TBC1D1: variants seen among roughly 807,000 people sequenced by gnomAD.
The protein encoded by TBC1D1 is TBC1 (tre-2/USP6, BUB2, cdc16) domain family, member 1.
A neutral mutation model predicts 125.6 loss-of-function variants in TBC1D1; 89 were observed. The ratio of observed to expected loss-of-function variants is 0.71; its 90% CI spans 0.60 to 0.85. The LOEUF (loss-of-function observed/expected upper bound fraction) is 0.85. Ranked by LOEUF, TBC1D1 falls within the 40% of genes least tolerant of loss-of-function variation. TBC1D1 has a pLI of 0.00. For synonymous variants in TBC1D1, 565 were observed against 564.1 expected (o/e 1.00, Z -0.02); for missense variants, 1,377 against 1,469.2 (o/e 0.94, Z 1.03).
At chr4:38,024,906 A>T (rs1375877957) in intron 6 of TBC1D1, among the ~76,000 whole-genome samples, 1 of 152,198 alleles carries the variant, frequency 6.6e-6, no homozygotes, top group Non-Finnish European at 1.5e-5. Context: ...TAGTTAAGTC[A>T]TCCCCCAGAA....
chr4:38,014,647 A>G lies in TBC1D1; in HGVS notation c.556A>G (p.Lys186Glu). ...CTGCGGCCGCGTGACGGTGGCGCAC[A>G]AGAAGGCTCCGCCGGCCCTGATCGA... is the stretch of plus-strand genomic sequence containing the variant. The change falls in exon 3 of 20, where the codon AAG (lysine) becomes GAG (glutamate). Residue 186 changes from lysine to glutamate, a missense_variant. By Grantham distance (56) the Lys-to-Glu change is moderately conservative. Around this residue, in one of 3 missense-constraint regions of TBC1D1, gnomAD observed 822 missense variants for 824.6 expected, o/e 1.00. Coordinates refer to ENST00000261439, the MANE Select transcript of TBC1D1 (RefSeq NM_015173.4). The surrounding 1 kb of genome is among the most constrained non-coding windows in gnomAD (Gnocchi z 5.1). 1 of 1,613,316 alleles carries G rather than the reference A, an allele frequency of 6.2e-7. No homozygotes were observed. Among genetic ancestry groups the G allele is most frequent in the Non-Finnish European group, 8.5e-7 (1 of 1,180,028 alleles).
At chr4:38,029,140 G>A (rs1457844447) in intron 7 of TBC1D1, among the ~76,000 whole-genome samples, 1 of 152,032 alleles carries the variant, frequency 6.6e-6, no homozygotes, top group Non-Finnish European at 1.5e-5. Context: ...GGGCATTTTC[G>A]ATGATTCCCT....
chr4:38,016,553 C>G (rs1342414727), intron 3 of TBC1D1, among the ~76,000 whole-genome samples: 1 of 152,184 alleles, frequency 6.6e-6, no homozygotes, highest in Non-Finnish European at 1.5e-5. Flanking sequence ...GCATTTTTAC[C>G]ATTTGACACA....
intron 2 of TBC1D1, among the ~76,000 whole-genome samples, chr4:37,913,108 C>T (rs961717707): frequency 3.3e-5 from 5 of 152,096 alleles, no homozygotes; most frequent in Non-Finnish European, 7.4e-5. Context: ...TTGCTGAGTC[C>T]ATGCTGATGT....
intron 2 of TBC1D1, chr4:37,960,619 A>G: frequency 6.2e-7 from 1 of 1,614,204 alleles, no homozygotes; most frequent in African/African-American, 1.3e-5. Flanking sequence ...GCTACCAGAA[A>G]GGCTTTGGGC....
At chr4:37,900,039 C>T (rs143877526) in intron 1 of TBC1D1, among the ~76,000 whole-genome samples, 3,011 of 151,244 alleles carry the variant, frequency 0.02, 89 homozygotes, top group African/African-American at 0.066. Flanking sequence ...GAGAATGGCG[C>T]GAACCCGGGA....
At chr4:38,048,232 C>T (rs1160417175) in intron 10 of TBC1D1, among the ~76,000 whole-genome samples, 1 of 152,092 alleles carries the variant, frequency 6.6e-6, no homozygotes, top group Non-Finnish European at 1.5e-5. Context: ...CCAAATAGCC[C>T]TGAAACTTGA....
In TBC1D1 at chr4:37,944,898, T is replaced by A. The variant is rs150163762; in HGVS notation, c.417+42386T>A. On this transcript the variant is annotated intron_variant, in intron 2 of 19. Coordinates refer to ENST00000261439, the MANE Select transcript of TBC1D1 (RefSeq NM_015173.4). ...ATGAACCCGGTACCTCATTTGGAAA[T>A]GCAGAAATCACCCGTCTTCTGTGTC... Among the ~76,000 whole-genome samples the A allele has an allele frequency of 6.1e-3, 936 of 152,246 alleles. 11 individuals are homozygous for A. The highest frequency in any genetic ancestry group is 0.021 in the African/African-American group (864 of 41,546).
rs780555080 is a variant in TBC1D1, at chr4:38,049,773, C to T, written c.1785C>T (p.Asn595=). The T allele has an allele frequency of 2.5e-6, 4 of 1,614,086 alleles. No homozygotes were observed. The highest frequency in any genetic ancestry group is 2.5e-6 in the Non-Finnish European group (3 of 1,180,046). ...AGCAGGCCTTCAGGAGGCGAGCAAA[C>T]ACCCTGAGTCACTTCCCCATCGAAT... Residue 595 remains asparagine, a synonymous_variant, in exon 11 of 20, where the codon AAC becomes AAT. Coordinates refer to ENST00000261439, the MANE Select transcript of TBC1D1 (RefSeq NM_015173.4).
At chr4:37,926,337 A>G (rs73236842) in intron 2 of TBC1D1, among the ~76,000 whole-genome samples, 22,179 of 152,124 alleles carry the variant, frequency 0.15, 1,714 homozygotes, top group Middle Eastern at 0.17. Context: ...GCGTTGCTCT[A>G]TAGGGCTGCT....
chr4:37,944,176 G>A (rs1726164079), intron 2 of TBC1D1, among the ~76,000 whole-genome samples: 1 of 152,204 alleles, frequency 6.6e-6, no homozygotes, highest in Non-Finnish European at 1.5e-5. Flanking sequence ...AAATGTTGCT[G>A]CCTGATCGTT....
At chr4:37,946,802 C>A (rs1281423702) in intron 2 of TBC1D1, among the ~76,000 whole-genome samples, 1 of 152,150 alleles carries the variant, frequency 6.6e-6, no homozygotes, top group African/African-American at 2.4e-5. Flanking sequence ...TGAGACATAT[C>A]TTCTCCTGGG....
chr4:37,997,921 G>A (rs536456460), intron 2 of TBC1D1, among the ~76,000 whole-genome samples: 3 of 152,214 alleles, frequency 2.0e-5, no homozygotes, highest in East Asian at 3.9e-4. Flanking sequence ...GGGATAAGAT[G>A]TCTTTGAGAA....
chr4:38,103,842 T>C (rs1467228347), intron 15 of TBC1D1, among the ~76,000 whole-genome samples: 2 of 152,100 alleles, frequency 1.3e-5, no homozygotes, highest in Non-Finnish European at 2.9e-5. Context: ...GTGTTATAGG[T>C]AATCTAGAGA....
chr4:38,008,936 G>A (rs1435782378), intron 2 of TBC1D1, among the ~76,000 whole-genome samples: 1 of 152,194 alleles, frequency 6.6e-6, no homozygotes, highest in Non-Finnish European at 1.5e-5. Flanking sequence ...CTTCATGATT[G>A]AATCTAGTCC....
intron 2 of TBC1D1, among the ~76,000 whole-genome samples, chr4:37,946,890 T>C (rs773450697): frequency 1.3e-5 from 2 of 152,172 alleles, no homozygotes; most frequent in Non-Finnish European, 1.5e-5. Context: ...CATGTCCACA[T>C]CGTCTTGTAC....
At chr4:38,034,346 C>T (rs1269993273) in intron 7 of TBC1D1, among the ~76,000 whole-genome samples, 1 of 152,180 alleles carries the variant, frequency 6.6e-6, no homozygotes, top group African/African-American at 2.4e-5. Flanking sequence ...TCTGCTGTAG[C>T]CTCCAAAATA....
intron 6 of TBC1D1, among the ~76,000 whole-genome samples, chr4:38,022,089 A>G (rs1744162241): frequency 6.6e-6 from 1 of 152,220 alleles, no homozygotes. Flanking sequence ...AGGAACTTGT[A>G]CCAGTTTCTC....
intron 12 of TBC1D1, among the ~76,000 whole-genome samples, chr4:38,081,797 G>A (rs1367671935): frequency 1.3e-5 from 2 of 152,118 alleles, no homozygotes; most frequent in African/African-American, 4.8e-5. Flanking sequence ...GGGTGGTCGA[G>A]GAGCTTGCCC....
Sources: gnomAD v4.1 joint callset for allele counts (sites outside exome capture counted in the v4.1 genomes callset) on GRCh38, gnomAD v4.1.1 for gene constraint, gnomAD v4.1.1 regional missense constraint, Gnocchi (gnomAD v3.1) non-coding constraint, MANE v1.5 for transcripts, NCBI Gene and HGNC (gene_info 2026-07-23, HGNC 2026-07-21) for gene names.